The following GINM1 variants were observed in gnomAD, a reference collection of about 807,000 sequenced individuals.
GINM1 encodes the protein glycosylated integral membrane protein 1, also known as glycoprotein integral membrane protein 1.
GINM1 carries 29 observed loss-of-function variants against 37.8 expected under a neutral mutation model. The observed-to-expected ratio is 0.77, with a 90% confidence interval of 0.57 to 1.05. GINM1 has a LOEUF of 1.05. Ranked by LOEUF, GINM1 falls within the 50% of genes least tolerant of loss-of-function variation. The pLI is 0.00. For synonymous variants in GINM1, 143 were observed against 146.2 expected (o/e 0.98, Z 0.16); for missense variants, 377 against 397.9 (o/e 0.95, Z 0.45).
chr6:149,587,949 A>G (rs546045382), intron 7 of GINM1, among the ~76,000 whole-genome samples: 28 of 152,328 alleles, frequency 1.8e-4, no homozygotes, highest in Non-Finnish European at 4.0e-4. Flanking sequence ...TAAGGATTTT[A>G]GGAGCTGTTC....
chr6:149,589,728 C>G (rs958800999), intron 7 of GINM1, among the ~76,000 whole-genome samples: 1 of 152,118 alleles, frequency 6.6e-6, no homozygotes, highest in Non-Finnish European at 1.5e-5. Flanking sequence ...TAGTCTTTTT[C>G]TGGACTGTTT....
intron 1 of GINM1, among the ~76,000 whole-genome samples, chr6:149,570,463 A>G (rs1178172310): frequency 1.3e-5 from 2 of 152,022 alleles, no homozygotes; most frequent in Non-Finnish European, 2.9e-5. Context: ...AAGGTGAGCC[A>G]GGAAAAAGCT....
intron 3 of GINM1, among the ~76,000 whole-genome samples, chr6:149,577,052 C>T (rs923996441): frequency 3.3e-5 from 5 of 152,148 alleles, no homozygotes; most frequent in Non-Finnish European, 4.4e-5. Context: ...CAGTGGGGTG[C>T]CGTAACCCCA....
chr6:149,584,815 G>GTATA (rs1203605733), intron 7 of GINM1, among the ~76,000 whole-genome samples: 2 of 148,952 alleles, frequency 1.3e-5, no homozygotes, highest in African/African-American at 4.9e-5. Context: ...ATTTATAAAT[G>GTATA]TATATATATA....
At position 149,577,171 on chromosome 6, in the gene GINM1, T is replaced by G. The variant is rs1777926047; in HGVS notation, c.278-1651T>G. 3.3e-5 allele frequency among the ~76,000 whole-genome samples: 5 copies of G among 152,184 alleles called. No homozygotes were observed. The South Asian group carries it at 1.0e-3, about 32-fold the overall frequency. On this transcript the variant is annotated intron_variant, in intron 3 of 7. Transcript: ENST00000367419. ...ATTTGCGGGGAACATCCAAACTATA[T>G]CAGGTACCAAATTTGCAGGCTGAAG... is the stretch of plus-strand genomic sequence containing the variant.
At position 149,591,525 on chromosome 6, in the gene GINM1, T is replaced by C. The variant is rs1295374814; in HGVS notation, c.*687T>C. 1 of 152,176 alleles carries C rather than the reference T, an allele frequency of 6.6e-6. No homozygotes were observed. The highest frequency in any genetic ancestry group is 1.5e-5 in the Non-Finnish European group (1 of 68,022). 9.4% of individuals were successfully genotyped at this position (152,176 alleles called of 1,614,324 possible). A position where few individuals can be genotyped will look rare whatever the true frequency, so the allele number is the denominator to read the frequency against. On this transcript the variant is annotated 3_prime_UTR_variant, in exon 8 of 8. Transcript: ENST00000367419. The stretch of plus-strand genomic sequence containing the variant: ...ATAAGACTTTATGAAAAGCACTTTA[T>C]AAAATTCTAATTTAAAAGGTCAAGA...
intron 6 of GINM1, 25 bp from the exon 7 acceptor site, chr6:149,582,415 T>TA (rs1562272771): frequency 1.9e-6 from 3 of 1,586,904 alleles, no homozygotes; most frequent in Non-Finnish European, 2.6e-6. Context: ...GCAACTTGCA[T>TA]ATCTAATCGA....
At chr6:149,587,722 T>C (rs76138058) in intron 7 of GINM1, among the ~76,000 whole-genome samples, 1,633 of 152,316 alleles carry the variant, frequency 0.011, 30 homozygotes, top group African/African-American at 0.038. Flanking sequence ...TTTTGGGTTC[T>C]TTTGCAGGTT....
rs549340114 is a variant in GINM1, at chr6:149,574,200, G to A, written c.277+1597G>A. Among the ~76,000 whole-genome samples, 31 of 151,856 alleles carry A rather than the reference G, an allele frequency of 2.0e-4. No individual in the cohort carries two copies. In the South Asian group the frequency reaches 4.0e-3, roughly 19 times the overall value. ...CGAGTAGCTTGGATTACAGGTGCCC[G>A]CCACCATGCCCGGCTAATTTTTGTA... is the stretch of plus-strand genomic sequence containing the variant. On this transcript the variant is annotated intron_variant, in intron 3 of 7. Transcript: ENST00000367419.
At chr6:149,574,839 T>C (rs1470981642) in intron 3 of GINM1, among the ~76,000 whole-genome samples, 3 of 152,118 alleles carry the variant, frequency 2.0e-5, no homozygotes, top group Non-Finnish European at 4.4e-5. Flanking sequence ...CTGTAGTCCA[T>C]CCTGGGTGAC....
At chr6:149,568,917 T>C (rs9331657) in intron 1 of GINM1, among the ~76,000 whole-genome samples, 90,877 of 151,798 alleles carry the variant, frequency 0.6, 29,568 homozygotes, top group East Asian at 0.84. Flanking sequence ...CTGCAGCCTC[T>C]GCCTCCCAGG....
intron 7 of GINM1, among the ~76,000 whole-genome samples, chr6:149,589,490 C>G (rs555078499): frequency 2.6e-5 from 4 of 152,000 alleles, no homozygotes; most frequent in African/African-American, 9.6e-5. Context: ...CCAGGCTGGC[C>G]TCGAACTCCT....
chr6:149,589,028 T>C (rs1778113688), intron 7 of GINM1, among the ~76,000 whole-genome samples: 1 of 152,108 alleles, frequency 6.6e-6, no homozygotes. Flanking sequence ...GGTCTCGAAC[T>C]CCTGACCTCA....
Position 149,570,166 on chromosome 6 carries a change from A to T in GINM1, c.121-2119A>T, listed in dbSNP as rs1196256499. On this transcript the variant is annotated intron_variant, in intron 1 of 7. Coordinates refer to ENST00000367419, the MANE Select transcript of GINM1 (RefSeq NM_138785.5). ...TATATATATATATATATATATATAT[A>T]TATATATATATATATATATATATAT... Among the ~76,000 whole-genome samples the T allele has an allele frequency of 1.4e-4, 11 of 80,250 alleles. 1 individual carries two copies. The highest frequency in any genetic ancestry group is 5.3e-4 in the African/African-American group (11 of 20,924). The allele number at this position is 80,250 out of a possible 152,430, so 52.6% of individuals were successfully genotyped here. A position where few individuals can be genotyped will look rare whatever the true frequency, so the allele number is the denominator to read the frequency against.
chr6:149,578,636 A>G (rs548468978), intron 3 of GINM1, among the ~76,000 whole-genome samples, 186 bp from the exon 4 acceptor site: 1 of 152,156 alleles, frequency 6.6e-6, no homozygotes, highest in Non-Finnish European at 1.5e-5. Context: ...AAGCAGTCAT[A>G]AAGATTTGTC....
chr6:149,570,199 A>G (rs1242998955), intron 1 of GINM1, among the ~76,000 whole-genome samples: 3 of 93,278 alleles, frequency 3.2e-5, no homozygotes, highest in African/African-American at 7.4e-5. Context: ...TATATATATA[A>G]AGTTCAGTAA....
intron 7 of GINM1, among the ~76,000 whole-genome samples, chr6:149,585,783 G>A (rs1268332247): frequency 6.6e-6 from 1 of 152,028 alleles, no homozygotes; most frequent in South Asian, 2.1e-4. Flanking sequence ...TAGTAGAGAC[G>A]AGGTTTCACT....
chr6:149,572,474 T>C (rs1582732295), intron 2 of GINM1, 33 bp from the exon 3 acceptor site: 1 of 1,353,634 alleles, frequency 7.4e-7, no homozygotes, highest in South Asian at 1.3e-5. Flanking sequence ...TTTATAAATA[T>C]TGGAATTAAT....
At chr6:149,568,596 T>C (rs1024406452) in intron 1 of GINM1, among the ~76,000 whole-genome samples, 3 of 152,238 alleles carry the variant, frequency 2.0e-5, no homozygotes, top group South Asian at 2.1e-4. Flanking sequence ...CACAAGTGAT[T>C]AGTGTGTACC....
Sources: gnomAD v4.1 joint callset for allele counts (sites outside exome capture counted in the v4.1 genomes callset) on GRCh38, gnomAD v4.1.1 for gene constraint, MANE v1.5 for transcripts, NCBI Gene and HGNC (gene_info 2026-07-23, HGNC 2026-07-21) for gene names.